The following TRRAP variants were observed in gnomAD, a reference collection of about 807,000 sequenced individuals.
TRRAP encodes the protein transformation/transcription domain-associated protein.
TRRAP carries 41 observed loss-of-function variants against 438.8 expected under a neutral mutation model. That is an observed-to-expected ratio of 0.09 (90% CI 0.07 to 0.12). The LOEUF is 0.12. Among genes scored for constraint, TRRAP ranks in the 10% least tolerant of loss-of-function variants. TRRAP has a pLI of 1.00. For missense variants in TRRAP, 3,122 were observed against 5,055.1 expected, an observed-to-expected ratio of 0.62 and a Z score of 11.60; for synonymous variants, 1,994 against 1,962.9, an observed-to-expected ratio of 1.02 and a Z score of -0.42.
chr7:98,920,926 G>A (rs1408042182), intron 20 of TRRAP, among the ~76,000 whole-genome samples: 3 of 151,940 alleles, frequency 2.0e-5, no homozygotes, highest in Admixed American at 1.3e-4. Flanking sequence ...CAAAACCTCC[G>A]CCTCCTGGGT....
chr7:98,957,635 A>G (rs1554420168), intron 43 of TRRAP, among the ~76,000 whole-genome samples: 1 of 152,046 alleles, frequency 6.6e-6, no homozygotes, highest in African/African-American at 2.4e-5. Context: ...GTGCTCACTC[A>G]GGATGTGTCC....
chr7:98,967,310 T>G (rs1792200253), intron 50 of TRRAP, 148 bp downstream of exon 50: 5 of 1,323,374 alleles, frequency 3.8e-6, no homozygotes, highest in Non-Finnish European at 5.2e-6. Context: ...CCTACTTTGG[T>G]GTCATTAAAG....
intron 69 of TRRAP, among the ~76,000 whole-genome samples, chr7:99,007,035 A>T (rs1794197256): frequency 6.6e-6 from 1 of 152,200 alleles, no homozygotes; most frequent in Admixed American, 6.5e-5. Flanking sequence ...CAGGTTGTAG[A>T]TTAACTGCAT....
intron 11 of TRRAP, among the ~76,000 whole-genome samples, chr7:98,902,668 C>T (rs1796521169): frequency 6.6e-6 from 1 of 152,002 alleles, no homozygotes; most frequent in South Asian, 2.1e-4. Flanking sequence ...TGGTGAGTGG[C>T]CTTCTGCTGA....
intron 29 of TRRAP, 143 bp downstream of exon 29, chr7:98,937,420 A>G: frequency 8.0e-7 from 1 of 1,250,158 alleles, no homozygotes; most frequent in Admixed American, 3.1e-5. Flanking sequence ...TACACACTAA[A>G]CTGTAATAAG....
At chr7:98,902,872 A>C (rs1554406883) in intron 11 of TRRAP, among the ~76,000 whole-genome samples, 1 of 148,130 alleles carries the variant, frequency 6.8e-6, no homozygotes, top group African/African-American at 2.5e-5. Flanking sequence ...CAGGAGTTGG[A>C]GGCCAGCTCG....
chr7:98,948,171 C>T lies in TRRAP; in HGVS notation c.4549-50C>T, dbSNP rs782230476. ...GGTCTGTAGTGACGTTGACCTCTGT[C>T]ACTTGCAAAATTAATCGACCTGTTT... On this transcript the variant is annotated intron_variant, in intron 33 of 72. Coordinates refer to ENST00000456197, the MANE Select transcript of TRRAP (RefSeq NM_001375524.1). The surrounding 1 kb of genome is among the most constrained non-coding windows in gnomAD (Gnocchi z 4.9). The T allele has an allele frequency of 6.2e-6, 10 of 1,610,046 alleles. No individual in the cohort carries two copies. The highest frequency in any genetic ancestry group is 8.5e-6 in the Non-Finnish European group (10 of 1,179,726).
chr7:99,003,133 T>G (rs1360797967), intron 67 of TRRAP, among the ~76,000 whole-genome samples: 1 of 152,034 alleles, frequency 6.6e-6, no homozygotes, highest in Non-Finnish European at 1.5e-5. Flanking sequence ...CAGTTTTGGT[T>G]GGGTTCGTCC....
intron 27 of TRRAP, among the ~76,000 whole-genome samples, chr7:98,934,413 A>G (rs1554413781): frequency 6.6e-6 from 1 of 152,156 alleles, no homozygotes; most frequent in Admixed American, 6.5e-5. Flanking sequence ...ATACCTTATC[A>G]TTTGTAAGGC....
intron 3 of TRRAP, among the ~76,000 whole-genome samples, chr7:98,887,743 A>AG (rs1795779091): frequency 6.9e-6 from 1 of 145,440 alleles, no homozygotes; most frequent in African/African-American, 2.8e-5. Context: ...AAAAAAAAAA[A>AG]AAAAAAACTG....
chr7:99,001,752 A>G (rs560651006), intron 67 of TRRAP, among the ~76,000 whole-genome samples: 101 of 152,168 alleles, frequency 6.6e-4, no homozygotes, highest in Non-Finnish European at 1.3e-3. Context: ...TGGGCTGCCA[A>G]CCACATGTCT....
chr7:98,955,350 T>C (rs1554419383), intron 41 of TRRAP, 46 bp downstream of exon 41: 1 of 1,547,978 alleles, frequency 6.5e-7, no homozygotes, highest in Non-Finnish European at 8.8e-7. Flanking sequence ...TCTTCAGGCA[T>C]TCACTTTGAA....
chr7:98,999,666 TG>T, intron 67 of TRRAP: 1 of 924,826 alleles, frequency 1.1e-6, no homozygotes, highest in Non-Finnish European at 1.7e-6. Context: ...TGAATGAAGG[TG>T]GGAAGGAGGA....
intron 27 of TRRAP, among the ~76,000 whole-genome samples, chr7:98,935,006 G>A (rs940236330): frequency 6.6e-6 from 1 of 152,174 alleles, no homozygotes; most frequent in Non-Finnish European, 1.5e-5. Context: ...GGGGGAAATA[G>A]TGATAGAGCA....
chr7:98,945,656 C>A (rs1022701541), intron 31 of TRRAP, 91 bp from the exon 32 acceptor site: 1 of 1,451,940 alleles, frequency 6.9e-7, no homozygotes, highest in Non-Finnish European at 9.3e-7. Context: ...GTCTTGTTAA[C>A]CCCAATAACC....
intron 20 of TRRAP, among the ~76,000 whole-genome samples, chr7:98,920,419 G>A (rs1388790819): frequency 6.6e-6 from 1 of 151,312 alleles, no homozygotes; most frequent in Non-Finnish European, 1.5e-5. Flanking sequence ...GCAGTGAGCC[G>A]AGATTGCACC....
In TRRAP at chr7:98,890,448, A is replaced by G; in HGVS notation, c.261+3A>G. 1 of 1,563,246 alleles carries G rather than the reference A, an allele frequency of 6.4e-7. No homozygotes were observed. Among genetic ancestry groups the G allele is most frequent in the Non-Finnish European group, 8.6e-7 (1 of 1,157,910 alleles). ...TTCTTCAGGAGAAACCAGCACAGGTAATGTAAAAAAATAACATGAGAAGAC... is the reference window on the plus strand; with the variant it reads ...TTCTTCAGGAGAAACCAGCACAGGTGATGTAAAAAAATAACATGAGAAGAC... On this transcript the variant is annotated splice_donor_region_variant and intron_variant, in intron 4 of 72. Coordinates refer to ENST00000456197, the MANE Select transcript of TRRAP (RefSeq NM_001375524.1).
chr7:98,980,824 C>A (rs1792883491), intron 58 of TRRAP, among the ~76,000 whole-genome samples: 1 of 152,250 alleles, frequency 6.6e-6, no homozygotes, highest in Non-Finnish European at 1.5e-5. Context: ...GAGGCCAAGG[C>A]AGGCAGATCA....
At chr7:98,916,551 A>G (rs1233027752) in intron 19 of TRRAP, among the ~76,000 whole-genome samples, 1 of 152,206 alleles carries the variant, frequency 6.6e-6, no homozygotes, top group Non-Finnish European at 1.5e-5. Flanking sequence ...TAGGCTACCC[A>G]GGAGGCAGCA....
Sources: allele counts gnomAD v4.1 joint callset (sites outside exome capture counted in the v4.1 genomes callset), GRCh38; gene constraint gnomAD v4.1.1; non-coding constraint Gnocchi (gnomAD v3.1); transcripts MANE v1.5; gene names NCBI Gene and HGNC (gene_info 2026-07-23, HGNC 2026-07-21).